The following COL4A4 variants were observed in gnomAD, a reference collection of about 807,000 sequenced individuals.
COL4A4 encodes collagen alpha-4(IV) chain.
In COL4A4, 105 loss-of-function variants were observed where a neutral mutation model predicts 192.9. The observed-to-expected ratio is 0.54, with a 90% confidence interval of 0.46 to 0.64. The LOEUF (loss-of-function observed/expected upper bound fraction) is 0.64. Among genes scored for constraint, COL4A4 ranks in the 30% least tolerant of loss-of-function variants. The probability of loss-of-function intolerance (pLI) is 0.00; values close to 1 mark genes in which losing one functional copy is unlikely to be tolerated. For missense variants in COL4A4, 1,967 were observed against 2,169.3 expected (o/e 0.91, Z 1.85); for synonymous variants, 762 against 769.9 (o/e 0.99, Z 0.17).
intron 25 of COL4A4, among the ~76,000 whole-genome samples, chr2:227,068,716 T>G (rs1284704370): frequency 6.6e-6 from 1 of 150,738 alleles, no homozygotes; most frequent in African/African-American, 2.5e-5. Context: ...GGGACATATT[T>G]CAAAATAATA....
Position 227,121,115 on chromosome 2 carries a change from T to C in COL4A4, c.226A>G (p.Ile76Val), listed in dbSNP as rs546883881. 24 of 1,614,144 alleles carry C rather than the reference T, an allele frequency of 1.5e-5. No individual in the cohort carries two copies. Among genetic ancestry groups the C allele is most frequent in the Middle Eastern group, 1.6e-4 (1 of 6,062 alleles). The part of the protein sequence containing the change: ...PPGPPGPQGP[I>V]GPLGAPGPIG... ...GGTCCTGGGGCTCCCAGGGGTCCAATTGGACCCTGTGGCCCTGGTGGTCCT... is the reference window on the plus strand; with the variant it reads ...GGTCCTGGGGCTCCCAGGGGTCCAACTGGACCCTGTGGCCCTGGTGGTCCT... Residue 76 changes from isoleucine (I) to valine (V), a missense_variant, in exon 5 of 48, where the codon ATT becomes GTT. By Grantham distance (29) the Ile-to-Val change is conservative. Transcript: ENST00000396625.
intron 20 of COL4A4, among the ~76,000 whole-genome samples, chr2:227,090,995 GTGA>G (rs963290203): frequency 1.6e-4 from 24 of 150,960 alleles, no homozygotes; most frequent in African/African-American, 5.3e-4. Context: ...AAGAACAACA[GTGA>G]GGTCCAAAAC....
rs1962400472 is a variant in COL4A4 at position 227,007,462 on chromosome 2, T to C, written c.4936A>G (p.Asn1646Asp). The change falls in exon 48 of 48, where the codon AAT (asparagine) becomes GAT (aspartate). Residue 1646 changes from asparagine to aspartate, a missense_variant. By Grantham distance (23) the Asn-to-Asp change is conservative. Transcript: ENST00000396625. Reference protein sequence around the residue: ...GRQGTCHFFANKYSFWLTTVK... With the variant: ...GRQGTCHFFADKYSFWLTTVK... ...GTTGTGAGCCAGAAGCTATACTTAT[T>C]TGCGAAAAAGTGGCAAGTTCCCTGC... 6.2e-7 allele frequency: 1 copy of C among 1,614,082 alleles called. No homozygotes were observed. The highest frequency in any genetic ancestry group is 2.2e-5 in the East Asian group (1 of 44,900).
chr2:227,145,218 T>G (rs2125357802), intron 2 of COL4A4, among the ~76,000 whole-genome samples: 1 of 152,146 alleles, frequency 6.6e-6, no homozygotes, highest in East Asian at 1.9e-4. Flanking sequence ...GAGGCCGAGG[T>G]GGGCGGATCA....
chr2:227,089,020 C>A (rs1466269657), intron 21 of COL4A4, among the ~76,000 whole-genome samples: 1 of 152,122 alleles, frequency 6.6e-6, no homozygotes, highest in Non-Finnish European at 1.5e-5. Flanking sequence ...GTAGGGTGGG[C>A]ATACCATTTC....
At chr2:227,142,924 G>T (rs1335217408) in intron 3 of COL4A4, among the ~76,000 whole-genome samples, 1 of 152,048 alleles carries the variant, frequency 6.6e-6, no homozygotes, top group Non-Finnish European at 1.5e-5. Context: ...CTGGCCCCAA[G>T]TTCCCTCCTA....
chr2:227,020,740 ACTCATAG>A (rs1256068230), intron 44 of COL4A4, among the ~76,000 whole-genome samples: 1 of 152,054 alleles, frequency 6.6e-6, no homozygotes, highest in African/African-American at 2.4e-5. Flanking sequence ...AGTTTTCTAG[ACTCATAG>A]CTACTATCAA....
chr2:227,050,266 A>G, intron 33 of COL4A4, 135 bp from the exon 34 acceptor site: 2 of 753,944 alleles, frequency 2.7e-6, no homozygotes, highest in Non-Finnish European at 4.7e-6. Context: ...GTTTAAATGC[A>G]TGCAAGCCTC....
chr2:227,081,649 T>C (rs182253152), intron 23 of COL4A4, among the ~76,000 whole-genome samples: 61 of 152,346 alleles, frequency 4.0e-4, no homozygotes, highest in African/African-American at 1.3e-3. Context: ...CTCCTTTTCA[T>C]ATACACATAT....
chr2:227,125,357 C>T (rs1047395098), intron 4 of COL4A4, among the ~76,000 whole-genome samples: 5 of 151,982 alleles, frequency 3.3e-5, no homozygotes, highest in East Asian at 3.9e-4. Context: ...CACAGGCGCG[C>T]GCCATCACAC....
At chr2:227,092,347 G>T (rs1243874049) in intron 20 of COL4A4, among the ~76,000 whole-genome samples, 1 of 152,122 alleles carries the variant, frequency 6.6e-6, no homozygotes, top group Non-Finnish European at 1.5e-5. Flanking sequence ...ATATAATGAG[G>T]TAGTAAAGCA....
chr2:227,033,502 G>A (rs1426396309), intron 37 of COL4A4, 21 bp from the exon 38 acceptor site: 20 of 1,608,190 alleles, frequency 1.2e-5, no homozygotes, highest in Non-Finnish European at 1.5e-5. Context: ...CCACAGGCCT[G>A]TGACCCAAAG....
At chr2:227,045,768 CA>C (rs544655010) in intron 35 of COL4A4, among the ~76,000 whole-genome samples, 1,750 of 56,782 alleles carry the variant, frequency 0.031, 177 homozygotes, top group African/African-American at 0.11. Context: ...GACTCCATCT[CA>C]AAAAAAAAAA....
At chr2:227,101,030 G>T (rs1006834932) in intron 17 of COL4A4, among the ~76,000 whole-genome samples, 3 of 152,024 alleles carry the variant, frequency 2.0e-5, no homozygotes, top group African/African-American at 7.3e-5. Context: ...GGATGGTCTC[G>T]ATCTCCTGAC....
At chr2:227,015,363 G>A (rs1219681573) in intron 44 of COL4A4, among the ~76,000 whole-genome samples, 1 of 152,142 alleles carries the variant, frequency 6.6e-6, no homozygotes, top group African/African-American at 2.4e-5. Context: ...GGCAGCACCT[G>A]GGAATATGTT....
chr2:226,971,747 T>G, the COL4A4 span, among the ~76,000 whole-genome samples: 1 of 152,192 alleles, frequency 6.6e-6, no homozygotes, highest in Non-Finnish European at 1.5e-5. Context: ...ATACTGGACA[T>G]TTGCTCTAAG....
chr2:227,078,000 C>A lies in COL4A4; in HGVS notation c.1881G>T (p.Val627=), dbSNP rs1358710021. ...CAGGAAATCCCAGTCCTGGGGGCCC[C>A]ACAGGTCCTGCTTTGCCTGGGGGGC... ...PLGPPGKAGP[V]GPPGLGFPGP... Residue 627 remains valine (V), a synonymous_variant, in exon 25 of 48, where the codon GTG becomes GTT. Transcript: ENST00000396625. 1 of 1,613,904 alleles carries A rather than the reference C, an allele frequency of 6.2e-7. No homozygotes were observed. The highest frequency in any genetic ancestry group is 8.5e-7 in the Non-Finnish European group (1 of 1,179,996).
At chr2:227,098,355 T>C (rs1018938922) in intron 19 of COL4A4, among the ~76,000 whole-genome samples, 7 of 152,198 alleles carry the variant, frequency 4.6e-5, no homozygotes, top group Non-Finnish European at 8.8e-5. Context: ...TTGTTATACA[T>C]ACATATTCCT....
intron 20 of COL4A4, among the ~76,000 whole-genome samples, chr2:227,092,687 ATTTATAC>A (rs1012884481): frequency 3.3e-4 from 51 of 152,330 alleles, no homozygotes; most frequent in African/African-American, 1.2e-3. Flanking sequence ...AAAAGCAATA[ATTTATAC>A]TTTATATGGC....
Sources: allele counts gnomAD v4.1 joint callset (sites outside exome capture counted in the v4.1 genomes callset), GRCh38; gene constraint gnomAD v4.1.1; transcripts MANE v1.5; gene names NCBI Gene and HGNC (gene_info 2026-07-23, HGNC 2026-07-21).